HIVEP3: variants seen among roughly 807,000 people sequenced by gnomAD.
HIVEP3 encodes the protein transcription factor HIVEP3.
Under a neutral mutation model 152.8 loss-of-function variants are expected in HIVEP3, and 49 were observed. The ratio of observed to expected loss-of-function variants is 0.32; its 90% CI spans 0.26 to 0.41. The LOEUF (loss-of-function observed/expected upper bound fraction) is 0.41. Among genes scored for constraint, HIVEP3 ranks in the 10% least tolerant of loss-of-function variants. The pLI, the probability that HIVEP3 is intolerant of heterozygous loss-of-function variation, is 1.00. For missense variants in HIVEP3, 2,790 were observed against 3,103.3 expected, an observed-to-expected ratio of 0.90 and a Z score of 2.40; for synonymous variants, 1,269 against 1,289.0, an observed-to-expected ratio of 0.98 and a Z score of 0.33.
At chr1:41,685,782 G>C (rs766192487) in intron 2 of HIVEP3, among the ~76,000 whole-genome samples, 5 of 152,188 alleles carry the variant, frequency 3.3e-5, no homozygotes, top group Non-Finnish European at 5.9e-5. Flanking sequence ...CACCTTCTGT[G>C]TGATACTCAT....
intron 1 of HIVEP3, among the ~76,000 whole-genome samples, chr1:41,818,786 T>G (rs12116581): frequency 3.2e-4 from 48 of 152,340 alleles, no homozygotes; most frequent in Middle Eastern, 3.4e-3. Context: ...CTCCCCCTTG[T>G]GCATTCCAAC....
intron 1 of HIVEP3, among the ~76,000 whole-genome samples, chr1:41,946,717 C>T (rs887412380): frequency 1.3e-5 from 2 of 152,030 alleles, no homozygotes; most frequent in Non-Finnish European, 2.9e-5. Flanking sequence ...TATGGACAAG[C>T]AAAGAATGCC....
chr1:41,879,114 C>A (rs751891685), intron 1 of HIVEP3, among the ~76,000 whole-genome samples: 3 of 152,172 alleles, frequency 2.0e-5, no homozygotes, highest in Non-Finnish European at 2.9e-5. Context: ...CAGTGCCTGC[C>A]TGTTCTCAAG....
intron 5 of HIVEP3, among the ~76,000 whole-genome samples, chr1:41,537,146 A>G (rs530098658): frequency 8.8e-4 from 134 of 152,308 alleles, no homozygotes; most frequent in Admixed American, 2.3e-3. Context: ...GAAGGGATGA[A>G]CTCAATGGCC....
intron 1 of HIVEP3, among the ~76,000 whole-genome samples, chr1:41,870,256 C>G (rs1208512717): frequency 2.0e-5 from 3 of 152,186 alleles, no homozygotes; most frequent in Non-Finnish European, 2.9e-5. Context: ...AAAAGCCCCC[C>G]AGCACTAGAT....
intron 6 of HIVEP3, among the ~76,000 whole-genome samples, chr1:41,520,984 AGG>A (rs1642745419): frequency 1.3e-5 from 2 of 152,178 alleles, no homozygotes; most frequent in African/African-American, 2.4e-5. Context: ...ATCTAGACCC[AGG>A]TCTCAAGACT....
chr1:41,515,345 T>C (rs933501114), intron 7 of HIVEP3, among the ~76,000 whole-genome samples: 2 of 152,074 alleles, frequency 1.3e-5, no homozygotes, highest in African/African-American at 4.8e-5. Flanking sequence ...TCAAAAGCTA[T>C]GGGGTGGAGC....
chr1:41,628,375 G>A (rs1291435162), intron 3 of HIVEP3, among the ~76,000 whole-genome samples: 1 of 152,188 alleles, frequency 6.6e-6, no homozygotes, highest in Non-Finnish European at 1.5e-5. Context: ...GTAGACCTCT[G>A]GCTATCAGGA....
At chr1:41,529,335 A>C (rs1010366663) in intron 5 of HIVEP3, among the ~76,000 whole-genome samples, 1 of 104,392 alleles carries the variant, frequency 9.6e-6, no homozygotes, top group African/African-American at 3.8e-5. Flanking sequence ...ACACCCTCAC[A>C]TTCACACATG....
At chr1:42,009,622 A>T (rs974233191) in intron 1 of HIVEP3, among the ~76,000 whole-genome samples, 23 of 152,186 alleles carry the variant, frequency 1.5e-4, no homozygotes, top group African/African-American at 5.1e-4. Context: ...CTACTTAGCC[A>T]GTGTGTAACT....
intron 6 of HIVEP3, 83 bp from the exon 7 acceptor site, chr1:41,518,571 C>G: frequency 7.7e-7 from 1 of 1,300,150 alleles, no homozygotes; most frequent in East Asian, 2.3e-5. Flanking sequence ...TAGCACCTGG[C>G]CGGCAGGCCA....
chr1:41,693,007 A>G (rs1351271119), intron 2 of HIVEP3, among the ~76,000 whole-genome samples: 2 of 152,222 alleles, frequency 1.3e-5, no homozygotes, highest in African/African-American at 4.8e-5. Context: ...TATCTCATTT[A>G]AGCTTTGCCA....
intron 2 of HIVEP3, among the ~76,000 whole-genome samples, chr1:41,693,416 G>A (rs1443355911): frequency 6.6e-6 from 1 of 152,130 alleles, no homozygotes. Context: ...TTGCCCCTGG[G>A]TGATGACTCT....
At chr1:41,945,389 C>T (rs1271773176) in intron 1 of HIVEP3, among the ~76,000 whole-genome samples, 2 of 152,104 alleles carry the variant, frequency 1.3e-5, no homozygotes, top group Non-Finnish European at 2.9e-5. Context: ...TAAAATAGAC[C>T]TAGGTAAATT....
intron 3 of HIVEP3, among the ~76,000 whole-genome samples, chr1:41,620,605 A>G (rs953410424): frequency 6.6e-6 from 1 of 152,138 alleles, no homozygotes; most frequent in South Asian, 2.1e-4. Flanking sequence ...ACAGCTGCAC[A>G]CATCACCTGC....
chr1:41,523,373 G>A (rs747406065), intron 6 of HIVEP3, among the ~76,000 whole-genome samples: 1 of 152,178 alleles, frequency 6.6e-6, no homozygotes, highest in South Asian at 2.1e-4. Flanking sequence ...AGAGAGAAGA[G>A]GATGGGGGAA....
chr1:41,786,927 T>C (rs1570537327), intron 1 of HIVEP3, among the ~76,000 whole-genome samples: 3 of 152,122 alleles, frequency 2.0e-5, no homozygotes, highest in Admixed American at 2.0e-4. Context: ...AATTTTTGTA[T>C]TTTTAGTAGA....
chr1:41,933,984 C>T lies in HIVEP3; in HGVS notation n.120-15460G>A, dbSNP rs950848055. Among the ~76,000 whole-genome samples, 17 of 152,186 alleles carry T rather than the reference C, an allele frequency of 1.1e-4. No homozygotes were observed. The South Asian group carries it at 3.5e-3, about 32-fold the overall frequency. On this transcript the variant is annotated intron_variant and non_coding_transcript_variant, in intron 1 of 3. Transcript: ENST00000489103. The stretch of plus-strand genomic sequence containing the variant: ...TTATCTCAGATGTAATGGGATTTCA[C>T]CAGTATCCAAAGAGTGATAATGTTT...
At chr1:41,845,498 C>G (rs1271876294) in intron 1 of HIVEP3, among the ~76,000 whole-genome samples, 2 of 151,874 alleles carry the variant, frequency 1.3e-5, no homozygotes, top group Admixed American at 1.3e-4. Flanking sequence ...ACCTATACCC[C>G]AGGCCTGCCA....
Sources: gnomAD v4.1 joint callset for allele counts (sites outside exome capture counted in the v4.1 genomes callset) on GRCh38, gnomAD v4.1.1 for gene constraint, MANE v1.5 for transcripts, NCBI Gene and HGNC (gene_info 2026-07-23, HGNC 2026-07-21) for gene names.